The following BRI3BP variants were observed in gnomAD, a reference collection of about 807,000 sequenced individuals.
BRI3BP encodes BRI3 binding protein, also known as BRI3-binding protein.
BRI3BP carries 7 observed loss-of-function variants against 15.8 expected under a neutral mutation model. That is an observed-to-expected ratio of 0.44 (90% CI 0.25 to 0.83). The LOEUF (loss-of-function observed/expected upper bound fraction) is 0.83. BRI3BP is among the 40% of genes least tolerant of loss of function. BRI3BP has a pLI of 0.20. For missense variants in BRI3BP, 320 were observed against 339.3 expected, an observed-to-expected ratio of 0.94 and a Z score of 0.45; for synonymous variants, 192 against 163.5, an observed-to-expected ratio of 1.17 and a Z score of -1.33.
the BRI3BP span, among the ~76,000 whole-genome samples, chr12:125,042,957 T>C: frequency 2.6e-5 from 4 of 152,150 alleles, no homozygotes; most frequent in Non-Finnish European, 4.4e-5. Context: ...CTGTTAAAGA[T>C]GGATTCATTT....
the BRI3BP span, among the ~76,000 whole-genome samples, chr12:125,049,688 G>A: frequency 6.6e-6 from 1 of 152,238 alleles, no homozygotes; most frequent in Non-Finnish European, 1.5e-5. Context: ...GATTGGCTGG[G>A]AGGTGCGGCC....
the BRI3BP span, among the ~76,000 whole-genome samples, chr12:125,045,401 G>C: frequency 1.3e-5 from 2 of 152,062 alleles, no homozygotes; most frequent in Non-Finnish European, 2.9e-5. Context: ...GCTGTAGCGC[G>C]ATCCCGGCTC....
At chr12:125,009,594 A>G (rs116275775) in intron 1 of BRI3BP, among the ~76,000 whole-genome samples, 355 of 140,312 alleles carry the variant, frequency 2.5e-3, no homozygotes, top group African/African-American at 9.2e-3. Context: ...ACAGCCTATA[A>G]TGTTTTCTTA....
intron 2 of BRI3BP, among the ~76,000 whole-genome samples, chr12:125,019,634 C>CTT (rs1565906073): frequency 2.2e-5 from 1 of 45,540 alleles, no homozygotes; most frequent in African/African-American, 5.8e-5. Flanking sequence ...TTAATTCCAC[C>CTT]CTTTTTTTTT....
chr12:125,050,362 A>G, the BRI3BP span, among the ~76,000 whole-genome samples: 1 of 151,938 alleles, frequency 6.6e-6, no homozygotes, highest in Non-Finnish European at 1.5e-5. Context: ...AAAAAAAAAA[A>G]GAATAAATTA....
Position 125,025,309 on chromosome 12 carries a change from C to T in BRI3BP, c.635C>T (p.Pro212Leu), listed in dbSNP as rs754701125. ...GFYWRSSPSG[P>L]SNPSNPSVEE... ...TACTGGCGAAGCAGTCCCAGCGGCC[C>T]CAGCAACCCCAGCAACCCCAGCGTG... Residue 212 changes from proline (P) to leucine (L), a missense_variant, in exon 3 of 3, where the codon CCC becomes CTC. Pro to Leu is a moderately conservative substitution (Grantham distance 98). Coordinates refer to ENST00000341446, the MANE Select transcript of BRI3BP (RefSeq NM_080626.6). 20 of 1,611,896 alleles carry T rather than the reference C, an allele frequency of 1.2e-5. No individual in the cohort carries two copies. The highest frequency in any genetic ancestry group is 6.7e-5 in the East Asian group (3 of 44,842).
chr12:125,008,918 A>G (rs1250021861), intron 1 of BRI3BP, among the ~76,000 whole-genome samples: 1 of 152,032 alleles, frequency 6.6e-6, no homozygotes, highest in South Asian at 2.1e-4. Flanking sequence ...GGATCTCACA[A>G]GGAACATGTA....
chr12:125,048,277 G>A, the BRI3BP span, among the ~76,000 whole-genome samples: 2 of 152,126 alleles, frequency 1.3e-5, no homozygotes, highest in Non-Finnish European at 2.9e-5. Flanking sequence ...GGTGTCATGA[G>A]ATCTGACTAG....
At chr12:125,002,424 G>A (rs1435496507) in intron 1 of BRI3BP, among the ~76,000 whole-genome samples, 1 of 149,996 alleles carries the variant, frequency 6.7e-6, no homozygotes, top group Non-Finnish European at 1.5e-5. Flanking sequence ...TATTGCTGTG[G>A]TTTTGACAGT....
chr12:125,034,933 A>T (rs1404423283), downstream of BRI3BP, among the ~76,000 whole-genome samples: 13 of 152,160 alleles, frequency 8.5e-5, no homozygotes, highest in Non-Finnish European at 1.6e-4. Flanking sequence ...ATGAAACAGC[A>T]TGTGTCTCCC....
At chr12:125,002,466 T>G (rs138850034) in intron 1 of BRI3BP, among the ~76,000 whole-genome samples, 11,957 of 149,626 alleles carry the variant, frequency 0.08, 1,083 homozygotes, top group African/African-American at 0.22. Context: ...GTTTTGTTTT[T>G]TTTTTTTTTG....
Position 125,028,786 on chromosome 12 carries a change from C to A in BRI3BP, c.*3356C>A, listed in dbSNP as rs1955378906. ...TTGTTCCTTCTCCATTCCATGGAACCTTGTAGGGTGTTGGGATTGGGCCTC... is the reference window on the plus strand; with the variant it reads ...TTGTTCCTTCTCCATTCCATGGAACATTGTAGGGTGTTGGGATTGGGCCTC... On this transcript the variant is annotated 3_prime_UTR_variant, in exon 3 of 3. Transcript: ENST00000341446. The A allele has an allele frequency of 1.3e-5, 2 of 152,150 alleles. No individual in the cohort carries two copies. The highest frequency in any genetic ancestry group is 4.8e-5 in the African/African-American group (2 of 41,440). The allele number at this position is 152,150 out of a possible 1,614,324, so 9.4% of individuals were successfully genotyped here. A position where few individuals can be genotyped will look rare whatever the true frequency, so the allele number is the denominator to read the frequency against.
intron 2 of BRI3BP, among the ~76,000 whole-genome samples, chr12:125,017,635 G>A (rs1019465457): frequency 3.9e-5 from 6 of 152,142 alleles, no homozygotes; most frequent in African/African-American, 1.4e-4. Context: ...CTCAGCACAC[G>A]ATAGATGGCA....
intron 2 of BRI3BP, among the ~76,000 whole-genome samples, chr12:125,019,759 C>T (rs1456475791): frequency 6.6e-6 from 1 of 151,028 alleles, no homozygotes; most frequent in Non-Finnish European, 1.5e-5. Flanking sequence ...ATTTGGGGGC[C>T]AGGTCTCCTC....
At chr12:125,007,648 G>A (rs540458805) in intron 1 of BRI3BP, among the ~76,000 whole-genome samples, 3 of 151,354 alleles carry the variant, frequency 2.0e-5, no homozygotes, top group East Asian at 3.9e-4. Flanking sequence ...GAACCCAGGA[G>A]TTTGAGACTG....
At chr12:125,032,628 T>C (rs1955414417), downstream of BRI3BP, among the ~76,000 whole-genome samples, 1 of 151,594 alleles carries the variant, frequency 6.6e-6, no homozygotes, top group Admixed American at 6.6e-5. Flanking sequence ...ATTAGTTGGG[T>C]GCAGTGGCGC....
chr12:125,012,524 G>A lies in BRI3BP; in HGVS notation c.214-10G>A, dbSNP rs755032904. The A allele has an allele frequency of 6.9e-6, 11 of 1,584,998 alleles. No individual in the cohort carries two copies. The Middle Eastern group carries it at 6.6e-4, about 95-fold the overall frequency. On this transcript the variant is annotated splice_polypyrimidine_tract_variant and intron_variant, in intron 1 of 2. Transcript: ENST00000341446. ...GTGATTGGGTGATGACCGTTTTCTTGTTTCTGCAGTTCTTGGCCAGGCTGA... is the reference window on the plus strand; with the variant it reads ...GTGATTGGGTGATGACCGTTTTCTTATTTCTGCAGTTCTTGGCCAGGCTGA...
chr12:125,015,321 G>A (rs980583486), intron 2 of BRI3BP, among the ~76,000 whole-genome samples: 1 of 152,074 alleles, frequency 6.6e-6, no homozygotes, highest in African/African-American at 2.4e-5. Flanking sequence ...AAGAAACATA[G>A]GGAGAAGACG....
chr12:125,014,355 G>C (rs1471890690), intron 2 of BRI3BP, among the ~76,000 whole-genome samples: 1 of 152,192 alleles, frequency 6.6e-6, no homozygotes, highest in Non-Finnish European at 1.5e-5. Context: ...ATGTGGCAGG[G>C]TTCCTAAGAC....
Sources: allele counts gnomAD v4.1 joint callset (sites outside exome capture counted in the v4.1 genomes callset), GRCh38; gene constraint gnomAD v4.1.1; transcripts MANE v1.5; gene names NCBI Gene and HGNC (gene_info 2026-07-23, HGNC 2026-07-21).